ATG10: variants seen among roughly 807,000 people sequenced by gnomAD.
The protein encoded by ATG10 is autophagy related 10.
In ATG10, 30 loss-of-function variants were observed where a neutral mutation model predicts 32.1. The ratio of observed to expected loss-of-function variants is 0.94; its 90% CI spans 0.70 to 1.27. The LOEUF is 1.27. ATG10 is among the 50% of genes most tolerant of loss of function. ATG10 has a pLI of 0.00. For missense variants in ATG10, 233 were observed against 262.3 expected, an observed-to-expected ratio of 0.89 and a Z score of 0.77; for synonymous variants, 87 against 91.5, an observed-to-expected ratio of 0.95 and a Z score of 0.28.
chr5:82,150,807 G>A (rs950791710), intron 3 of ATG10, among the ~76,000 whole-genome samples: 5 of 152,188 alleles, frequency 3.3e-5, no homozygotes, highest in African/African-American at 9.7e-5. Flanking sequence ...GAAACTGCAT[G>A]ATCAGTGACT....
rs538750978 is a variant in ATG10, at chr5:82,146,394, T to G, written c.217-18005T>G. Among the ~76,000 whole-genome samples the G allele has an allele frequency of 2.0e-5, 3 of 152,214 alleles. No homozygotes were observed. The East Asian group carries it at 5.8e-4, about 29-fold the overall frequency. ...TTCATTAGTTTGATTATGATGTGTA[T>G]AGGTGTTGATTTATTCATATTTTTA... On this transcript the variant is annotated intron_variant, in intron 3 of 7. Transcript: ENST00000282185.
chr5:82,008,145 A>C (rs1043737036), intron 2 of ATG10, among the ~76,000 whole-genome samples: 2 of 152,124 alleles, frequency 1.3e-5, no homozygotes, highest in African/African-American at 4.8e-5. Flanking sequence ...GGGGGTCATG[A>C]GCATGTTACT....
At chr5:82,171,931 T>C (rs1007359951) in intron 4 of ATG10, among the ~76,000 whole-genome samples, 1 of 152,172 alleles carries the variant, frequency 6.6e-6, no homozygotes, top group Non-Finnish European at 1.5e-5. Flanking sequence ...GCTTACAGTC[T>C]AGTGAGGGAA....
At chr5:82,204,728 A>G (rs1745215757) in intron 5 of ATG10, among the ~76,000 whole-genome samples, 1 of 152,164 alleles carries the variant, frequency 6.6e-6, no homozygotes, top group African/African-American at 2.4e-5. Flanking sequence ...GGTGGAATTG[A>G]CAGTGTTTGG....
At chr5:82,213,137 A>G (rs1490270816) in intron 5 of ATG10, among the ~76,000 whole-genome samples, 1 of 152,160 alleles carries the variant, frequency 6.6e-6, no homozygotes, top group African/African-American at 2.4e-5. Context: ...GATTTCATTT[A>G]GTCCTGAACT....
intron 5 of ATG10, among the ~76,000 whole-genome samples, chr5:82,202,407 A>G (rs1188312139): frequency 1.3e-5 from 2 of 152,298 alleles, no homozygotes; most frequent in South Asian, 2.1e-4. Flanking sequence ...TTGGACTCTT[A>G]AAAACAACTC....
chr5:81,988,477 G>A (rs1434042241), intron 2 of ATG10, among the ~76,000 whole-genome samples: 1 of 151,718 alleles, frequency 6.6e-6, no homozygotes, highest in Non-Finnish European at 1.5e-5. Context: ...TTCTAGTTCT[G>A]TTCTGGAGTA....
At chr5:82,218,625 A>G (rs1745794324) in intron 5 of ATG10, among the ~76,000 whole-genome samples, 1 of 152,202 alleles carries the variant, frequency 6.6e-6, no homozygotes, top group African/African-American at 2.4e-5. Flanking sequence ...AACAATCTGA[A>G]TGACACATTC....
chr5:82,044,012 C>A (rs546488257), intron 2 of ATG10, among the ~76,000 whole-genome samples: 179 of 152,092 alleles, frequency 1.2e-3, no homozygotes, highest in African/African-American at 4.2e-3. Context: ...AGCAGTGCCC[C>A]ACTCTCCTGG....
intron 2 of ATG10, among the ~76,000 whole-genome samples, chr5:82,045,635 A>G (rs1763213202): frequency 6.6e-6 from 1 of 152,194 alleles, no homozygotes; most frequent in Admixed American, 6.5e-5. Flanking sequence ...GAAGGAGGGA[A>G]TTCAGTATAA....
chr5:82,101,586 A>G (rs1765275929), intron 3 of ATG10, among the ~76,000 whole-genome samples: 1 of 152,208 alleles, frequency 6.6e-6, no homozygotes, highest in African/African-American at 2.4e-5. Context: ...CAGAAGGCAG[A>G]ATGGATCAGT....
At chr5:82,170,752 C>CCTGGCCAA (rs1262990023) in intron 4 of ATG10, among the ~76,000 whole-genome samples, 3 of 151,954 alleles carry the variant, frequency 2.0e-5, no homozygotes, top group African/African-American at 7.3e-5. Flanking sequence ...TCGAGACCAG[C>CCTGGCCAA]CTGGCCAACA....
chr5:82,054,814 G>T (rs1382268161), intron 2 of ATG10, among the ~76,000 whole-genome samples: 2 of 152,168 alleles, frequency 1.3e-5, no homozygotes, highest in Non-Finnish European at 2.9e-5. Flanking sequence ...GAGGATGGAG[G>T]CCTAGGCCCT....
At chr5:82,051,247 G>A (rs149074465) in intron 2 of ATG10, among the ~76,000 whole-genome samples, 1 of 152,086 alleles carries the variant, frequency 6.6e-6, no homozygotes, top group Admixed American at 6.6e-5. Flanking sequence ...AATCGAGGGG[G>A]TGCTAGCCTC....
intron 4 of ATG10, 23 bp from the exon 5 acceptor site, chr5:82,178,467 G>C (rs781544339): frequency 2.8e-6 from 4 of 1,429,868 alleles, no homozygotes; most frequent in Non-Finnish European, 3.9e-6. Context: ...TACTAACTCA[G>C]TCTTTACCAT....
At chr5:82,073,704 T>C (rs1009887018) in intron 3 of ATG10, 5 of 152,300 alleles carry the variant, frequency 3.3e-5, no homozygotes, top group African/African-American at 1.2e-4. Flanking sequence ...GTAAAACACA[T>C]ATGTGGTAGG....
chr5:82,208,073 A>G (rs1467852390), intron 5 of ATG10, among the ~76,000 whole-genome samples: 1 of 152,202 alleles, frequency 6.6e-6, no homozygotes, highest in Admixed American at 6.5e-5. Context: ...ACTATTTATG[A>G]AAAAGATTGT....
intron 2 of ATG10, among the ~76,000 whole-genome samples, chr5:81,997,580 T>A (rs1222461319): frequency 6.6e-6 from 1 of 152,178 alleles, no homozygotes; most frequent in South Asian, 2.1e-4. Flanking sequence ...CGGATAGGAA[T>A]GACGATCATT....
intron 6 of ATG10, 123 bp from the exon 7 acceptor site, chr5:82,253,191 T>G (rs966393373): frequency 1.5e-6 from 1 of 668,756 alleles, no homozygotes; most frequent in African/African-American, 1.8e-5. Context: ...TTCCAGGTGG[T>G]AGGTACAAAT....
Sources: allele counts gnomAD v4.1 joint callset (sites outside exome capture counted in the v4.1 genomes callset), GRCh38; gene constraint gnomAD v4.1.1; transcripts MANE v1.5; gene names NCBI Gene and HGNC (gene_info 2026-07-23, HGNC 2026-07-21).